Variants in PBRM1 observed in about 807,000 individuals in gnomAD.
PBRM1 encodes polybromo 1.
A neutral mutation model predicts 194.5 loss-of-function variants in PBRM1; 27 were observed. The ratio of observed to expected loss-of-function variants is 0.14; its 90% CI spans 0.10 to 0.19. The LOEUF (loss-of-function observed/expected upper bound fraction) is 0.19, where lower values mean the gene tolerates loss of function less well. Among genes scored for constraint, PBRM1 ranks in the 10% least tolerant of loss-of-function variants. The probability of loss-of-function intolerance (pLI) is 1.00; values close to 1 mark genes in which losing one functional copy is unlikely to be tolerated. For missense variants in PBRM1, 1,466 were observed against 2,077.2 expected, an observed-to-expected ratio of 0.71 and a Z score of 5.72; for synonymous variants, 655 against 693.2, an observed-to-expected ratio of 0.94 and a Z score of 0.87.
At chr3:52,614,182 T>C (rs2094813129) in intron 15 of PBRM1, among the ~76,000 whole-genome samples, 1 of 151,974 alleles carries the variant, frequency 6.6e-6, no homozygotes, top group Admixed American at 6.6e-5. Context: ...GACAGCAGCC[T>C]GGCCAACATG....
chr3:52,595,161 A>T (rs34754793), intron 17 of PBRM1, among the ~76,000 whole-genome samples: 69,299 of 151,726 alleles, frequency 0.46, 16,159 homozygotes, highest in African/African-American at 0.53. Context: ...TGTGGGCTAA[A>T]GTTCCTTCAA....
intron 17 of PBRM1, among the ~76,000 whole-genome samples, chr3:52,595,992 T>C (rs1488439614): frequency 6.6e-6 from 1 of 152,190 alleles, no homozygotes; most frequent in Non-Finnish European, 1.5e-5. Flanking sequence ...TCTTTTCCAT[T>C]GGTATATTTG....
upstream of PBRM1, among the ~76,000 whole-genome samples, chr3:52,684,123 A>C (rs1460826507): frequency 2.9e-5 from 4 of 136,868 alleles, no homozygotes; most frequent in Admixed American, 8.4e-5. Context: ...AGCCATGATC[A>C]CTTTACTGAA....
chr3:52,610,924 G>A (rs1237846655), intron 15 of PBRM1, among the ~76,000 whole-genome samples: 1 of 152,192 alleles, frequency 6.6e-6, no homozygotes, highest in Non-Finnish European at 1.5e-5. Context: ...GGGCGACAGA[G>A]CGAGACTCTG....
rs1196071887 is a variant in PBRM1 at position 52,623,767 on chromosome 3, G to C, written c.1541+3506C>G. On this transcript the variant is annotated intron_variant, in intron 13 of 29. Coordinates refer to ENST00000296302, the Ensembl canonical transcript of PBRM1. ...GTTGAAATGAGGCTTAGATTACAGAGCTAATAAGAACAGCTGGGATTGGAA... is the reference window on the plus strand; with the variant it reads ...GTTGAAATGAGGCTTAGATTACAGACCTAATAAGAACAGCTGGGATTGGAA... 2.0e-5 allele frequency among the ~76,000 whole-genome samples: 3 copies of C among 152,154 alleles called. No individual in the cohort carries two copies. In the East Asian group the frequency reaches 5.8e-4, roughly 29 times the overall value.
At chr3:52,587,371 A>G in exon 19 of PBRM1, 1 of 1,609,104 alleles carries the variant, frequency 6.2e-7, no homozygotes, top group Non-Finnish European at 8.5e-7. Context: ...ACATGACCAC[A>G]CACTTGCCTA....
chr3:52,554,641 G>T (rs2081831701), intron 27 of PBRM1, 83 bp downstream of exon 29: 4 of 1,248,316 alleles, frequency 3.2e-6, no homozygotes, highest in Non-Finnish European at 4.4e-6. Context: ...TGGGCCACGG[G>T]TGCCTCCTGG....
At chr3:52,656,396 G>T (rs1473117073) in intron 5 of PBRM1, among the ~76,000 whole-genome samples, 4 of 152,192 alleles carry the variant, frequency 2.6e-5, no homozygotes, top group Non-Finnish European at 5.9e-5. Flanking sequence ...GGGTGTAGTA[G>T]CTCATGTCTG....
chr3:52,651,385 A>G (rs1293865904), intron 6 of PBRM1, among the ~76,000 whole-genome samples: 2 of 152,148 alleles, frequency 1.3e-5, no homozygotes, highest in African/African-American at 4.8e-5. Context: ...TACCCCATCT[A>G]CCCTGATGTG....
At chr3:52,668,502 T>A (rs767623683) in exon 3 of PBRM1, 4 of 1,597,384 alleles carry the variant, frequency 2.5e-6, no homozygotes, top group Non-Finnish European at 3.4e-6. Context: ...TCTTACCTTA[T>A]AATAGGACTT....
intron 5 of PBRM1, among the ~76,000 whole-genome samples, chr3:52,655,204 A>G (rs952836071): frequency 6.6e-6 from 1 of 152,154 alleles, no homozygotes; most frequent in Non-Finnish European, 1.5e-5. Context: ...TAATCTTGCA[A>G]AATGGAAACT....
At position 52,675,943 on chromosome 3, in the gene PBRM1, G is replaced by A. The variant is rs967689614; in HGVS notation, c.236+2557C>T. On this transcript the variant is annotated intron_variant, in intron 2 of 29. Coordinates refer to ENST00000296302, the Ensembl canonical transcript of PBRM1. ...ATCCCGGCTAAAATGGTGAAACCCC[G>A]TCTCTACTAAAAATACAAAAAATTA... Among the ~76,000 whole-genome samples, 13 of 80,912 alleles carry A rather than the reference G, an allele frequency of 1.6e-4. 2 individuals carry two copies. The highest frequency in any genetic ancestry group is 3.1e-4 in the Non-Finnish European group (13 of 42,018). 53.1% of individuals were successfully genotyped at this position (80,912 alleles called of 152,430 possible). A position where few individuals can be genotyped will look rare whatever the true frequency, so the allele number is the denominator to read the frequency against.
At chr3:52,645,205 A>G (rs952474461) in intron 7 of PBRM1, among the ~76,000 whole-genome samples, 1 of 152,206 alleles carries the variant, frequency 6.6e-6, no homozygotes, top group African/African-American at 2.4e-5. Context: ...TTAATGAAGC[A>G]CTTTTCATGC....
upstream of PBRM1, chr3:52,682,308 A>T (rs953666085): frequency 2.0e-5 from 3 of 151,940 alleles, no homozygotes; most frequent in Non-Finnish European, 4.4e-5. Flanking sequence ...AAAAATTCAG[A>T]GAAAGAACAT....
At chr3:52,568,442 T>C (rs2086034845) in intron 22 of PBRM1, among the ~76,000 whole-genome samples, 1 of 152,246 alleles carries the variant, frequency 6.6e-6, no homozygotes, top group South Asian at 2.1e-4. Context: ...ATTTTTGTTT[T>C]TGCCAGTTTT....
chr3:52,673,671 C>CAA (rs1324914906), intron 2 of PBRM1, among the ~76,000 whole-genome samples: 38 of 39,088 alleles, frequency 9.7e-4, no homozygotes, highest in Non-Finnish European at 1.6e-3. Context: ...GACTCCATCT[C>CAA]AAAAAAAAAA....
At chr3:52,678,688 G>T in intron 1 of PBRM1, 91 bp from the exon 3 acceptor site, 1 of 724,932 alleles carries the variant, frequency 1.4e-6, no homozygotes, top group Non-Finnish European at 2.3e-6. Flanking sequence ...TTCAATAAAA[G>T]GCAAGTAGAG....
At chr3:52,631,497 A>G (rs943847336) in intron 11 of PBRM1, among the ~76,000 whole-genome samples, 6 of 152,112 alleles carry the variant, frequency 3.9e-5, no homozygotes, top group African/African-American at 1.4e-4. Flanking sequence ...CTATCTGGGT[A>G]TTCTACTATA....
chr3:52,558,491 T>A, intron 25 of PBRM1, 78 bp from the exon 28 acceptor site: 1 of 1,233,270 alleles, frequency 8.1e-7, no homozygotes. Context: ...TCAACAGGAC[T>A]AGTAAAAACA....
Sources: allele counts gnomAD v4.1 joint callset (sites outside exome capture counted in the v4.1 genomes callset), GRCh38; gene constraint gnomAD v4.1.1; transcripts MANE v1.5; gene names NCBI Gene and HGNC (gene_info 2026-07-23, HGNC 2026-07-21).